Variants in GPC5 observed in about 807,000 individuals in gnomAD.
The protein encoded by GPC5 is glypican 5.
A neutral mutation model predicts 53.9 loss-of-function variants in GPC5; 47 were observed. That is an observed-to-expected ratio of 0.87 (90% CI 0.69 to 1.11). GPC5 has a LOEUF of 1.11. Ranked by LOEUF, GPC5 falls within the 50% of genes most tolerant of loss-of-function variation. The probability of loss-of-function intolerance (pLI) is 0.00; values close to 1 mark genes in which losing one functional copy is unlikely to be tolerated. For synonymous variants in GPC5, 286 were observed against 263.3 expected, an observed-to-expected ratio of 1.09 and a Z score of -0.84; for missense variants, 748 against 713.1, an observed-to-expected ratio of 1.05 and a Z score of -0.56.
chr13:91,419,142 T>C (rs950468558), intron 1 of GPC5, among the ~76,000 whole-genome samples: 1 of 152,176 alleles, frequency 6.6e-6, no homozygotes, highest in African/African-American at 2.4e-5. Context: ...GCTAATAATT[T>C]GAGCAAGAAG....
chr13:92,708,430 T>C (rs542919747), intron 7 of GPC5, among the ~76,000 whole-genome samples: 2 of 152,276 alleles, frequency 1.3e-5, no homozygotes, highest in South Asian at 2.1e-4. Flanking sequence ...TGTACTAGGG[T>C]GCTTAAAATA....
intron 7 of GPC5, among the ~76,000 whole-genome samples, chr13:92,834,529 A>G (rs1489269299): frequency 6.6e-6 from 1 of 152,126 alleles, no homozygotes; most frequent in Non-Finnish European, 1.5e-5. Context: ...CCACAGAGTC[A>G]AAGGATGAGA....
chr13:91,974,530 G>C (rs2040278668), intron 6 of GPC5, among the ~76,000 whole-genome samples: 1 of 151,920 alleles, frequency 6.6e-6, no homozygotes, highest in South Asian at 2.1e-4. Flanking sequence ...TTGCTTCAAA[G>C]AGAATAAAAT....
At chr13:91,464,550 A>T (rs1187305527) in intron 2 of GPC5, among the ~76,000 whole-genome samples, 1 of 152,186 alleles carries the variant, frequency 6.6e-6, no homozygotes, top group African/African-American at 2.4e-5. Context: ...AAAAGGAATG[A>T]ACTATTGATA....
At chr13:92,442,066 G>A (rs1877596943) in intron 7 of GPC5, among the ~76,000 whole-genome samples, 1 of 152,140 alleles carries the variant, frequency 6.6e-6, no homozygotes, top group Non-Finnish European at 1.5e-5. Context: ...TTGGCTGGTA[G>A]GAGTGTATAA....
rs762009087 is a variant in GPC5 at position 92,866,448 on chromosome 13, T to G, written c.*9T>G. The stretch of plus-strand genomic sequence containing the variant: ...TTCCCGGGATTTGGTAACTGAACTC[T>G]TCTGTCCTGACATACCTTACTGAAG... On this transcript the variant is annotated 3_prime_UTR_variant, in exon 8 of 8. Coordinates refer to ENST00000377067, the MANE Select transcript of GPC5 (RefSeq NM_004466.6). 1.3e-6 allele frequency: 2 copies of G among 1,594,592 alleles called. No individual in the cohort carries two copies. The highest frequency in any genetic ancestry group is 8.6e-7 in the Non-Finnish European group (1 of 1,168,056).
intron 7 of GPC5, among the ~76,000 whole-genome samples, chr13:92,500,706 G>A (rs557214361): frequency 2.0e-4 from 31 of 152,170 alleles, no homozygotes; most frequent in Non-Finnish European, 4.6e-4. Flanking sequence ...CAAGGAAGAG[G>A]CATCATCCTC....
At chr13:92,235,952 A>G (rs1260828144) in intron 7 of GPC5, among the ~76,000 whole-genome samples, 3 of 152,030 alleles carry the variant, frequency 2.0e-5, no homozygotes, top group Non-Finnish European at 4.4e-5. Context: ...CCTTTGAAAC[A>G]TTTACTGTTT....
chr13:91,635,965 GT>G (rs1232451122), intron 2 of GPC5, among the ~76,000 whole-genome samples: 1 of 151,816 alleles, frequency 6.6e-6, no homozygotes, highest in Admixed American at 6.6e-5. Context: ...TAGTTTTATA[GT>G]TTTTTTCATT....
intron 7 of GPC5, among the ~76,000 whole-genome samples, chr13:92,505,056 T>C (rs1340197085): frequency 1.3e-5 from 2 of 151,720 alleles, no homozygotes; most frequent in African/African-American, 2.4e-5. Flanking sequence ...TAAGAAACTT[T>C]AGAGAGTCTA....
intron 3 of GPC5, among the ~76,000 whole-genome samples, chr13:91,694,802 T>G (rs2035844799): frequency 6.6e-6 from 1 of 152,072 alleles, no homozygotes; most frequent in Non-Finnish European, 1.5e-5. Flanking sequence ...GTAGAGGGAG[T>G]TTCTCCATGT....
intron 7 of GPC5, among the ~76,000 whole-genome samples, chr13:92,353,208 C>A (rs1474821427): frequency 6.2e-5 from 9 of 144,032 alleles, no homozygotes; most frequent in Admixed American, 4.3e-4. Context: ...TGCAGTGAGC[C>A]GAGATTGCGC....
chr13:91,972,836 A>G (rs113680158), intron 6 of GPC5, among the ~76,000 whole-genome samples: 3,572 of 152,170 alleles, frequency 0.023, 137 homozygotes, highest in African/African-American at 0.082. Context: ...TGAGAGATCC[A>G]CTGTTAGTCT....
At chr13:92,575,534 C>T (rs528838531) in intron 7 of GPC5, among the ~76,000 whole-genome samples, 1 of 152,150 alleles carries the variant, frequency 6.6e-6, no homozygotes, top group East Asian at 1.9e-4. Flanking sequence ...TCCAGAACTG[C>T]GCGAGAATGC....
intron 7 of GPC5, among the ~76,000 whole-genome samples, chr13:92,199,834 A>T (rs2042281898): frequency 6.6e-6 from 1 of 152,186 alleles, no homozygotes; most frequent in Non-Finnish European, 1.5e-5. Context: ...TTTTAAAAAA[A>T]GCCACAAGAA....
intron 5 of GPC5, among the ~76,000 whole-genome samples, chr13:91,785,998 T>G (rs1566683424): frequency 1.3e-5 from 2 of 152,022 alleles, no homozygotes; most frequent in Non-Finnish European, 2.9e-5. Flanking sequence ...GATTCAAAGT[T>G]TTTCTTTCTT....
intron 7 of GPC5, among the ~76,000 whole-genome samples, chr13:92,192,418 A>T (rs181605725): frequency 6.6e-6 from 1 of 152,282 alleles, no homozygotes; most frequent in Admixed American, 6.5e-5. Context: ...ATTAATATAT[A>T]CATATGGAGC....
At chr13:92,381,357 A>C (rs959502681) in intron 7 of GPC5, among the ~76,000 whole-genome samples, 2 of 152,210 alleles carry the variant, frequency 1.3e-5, no homozygotes, top group Non-Finnish European at 2.9e-5. Context: ...CAGTGATGTT[A>C]AATGGATAGA....
chr13:91,615,407 T>C (rs73603989), intron 2 of GPC5, among the ~76,000 whole-genome samples: 8,546 of 152,232 alleles, frequency 0.056, 364 homozygotes, highest in African/African-American at 0.12. Flanking sequence ...TTTTCATTCA[T>C]ATTCTATTGA....
Sources: allele counts gnomAD v4.1 joint callset (sites outside exome capture counted in the v4.1 genomes callset), GRCh38; gene constraint gnomAD v4.1.1; transcripts MANE v1.5; gene names NCBI Gene and HGNC (gene_info 2026-07-23, HGNC 2026-07-21).